PGM3: variants seen among roughly 807,000 people sequenced by gnomAD.
The protein encoded by PGM3 is phosphoglucomutase 3.
PGM3 carries 40 observed loss-of-function variants against 66.2 expected under a neutral mutation model. The observed-to-expected ratio is 0.60, with a 90% confidence interval of 0.47 to 0.79. The LOEUF is 0.79. Ranked by LOEUF, PGM3 falls within the 30% of genes least tolerant of loss-of-function variation. PGM3 has a pLI of 0.00. For synonymous variants in PGM3, 191 were observed against 224.2 expected, an observed-to-expected ratio of 0.85 and a Z score of 1.32; for missense variants, 537 against 643.4, an observed-to-expected ratio of 0.83 and a Z score of 1.79.
chr6:83,185,417 T>G (rs1461705843), intron 4 of PGM3, among the ~76,000 whole-genome samples: 2 of 152,222 alleles, frequency 1.3e-5, no homozygotes, highest in Non-Finnish European at 2.9e-5. Context: ...GAAACAGAAA[T>G]AGACTACTAG....
In PGM3 at chr6:83,182,851, G is replaced by A. The variant is rs756553587; in HGVS notation, c.585C>T (p.Thr195=). 1.9e-5 allele frequency: 31 copies of A among 1,613,354 alleles called. No homozygotes were observed. Among genetic ancestry groups the A allele is most frequent in the Non-Finnish European group, 2.6e-5 (31 of 1,179,656 alleles). The change falls in exon 5 of 13, where the codon ACC becomes ACT. Residue 195 remains threonine, a synonymous_variant. Transcript: ENST00000513973. ...QKLSKAFVEL[T]KQASCSGDEY... is the part of the protein sequence containing the mutation. ...TGTTCAATAAACTTTTCACCTGTTT[G>A]GTGAGTTCCACAAAAGCCTTAGAGA...
rs1351687112 is a variant in PGM3 at position 83,167,033 on chromosome 6, T to G, written c.*2201A>C. ...CTAGACAGAATGATGTCTGTAGCTG[T>G]GTTTGTGTAATTCAGGTGGCTTCTC... is the stretch of plus-strand genomic sequence containing the variant. On this transcript the variant is annotated 3_prime_UTR_variant, in exon 13 of 13. Coordinates refer to ENST00000513973, the MANE Select transcript of PGM3 (RefSeq NM_015599.3). 5.1e-6 allele frequency: 5 copies of G among 985,320 alleles called. No individual in the cohort carries two copies. Among genetic ancestry groups the G allele is most frequent in the African/African-American group, 3.5e-5 (2 of 57,254 alleles). 61.0% of individuals were successfully genotyped at this position (985,320 alleles called of 1,614,324 possible). A position where few individuals can be genotyped will look rare whatever the true frequency, so the allele number is the denominator to read the frequency against.
chr6:83,190,748 A>T, intron 2 of PGM3, 61 bp downstream of exon 2: 1 of 1,279,628 alleles, frequency 7.8e-7, no homozygotes, highest in Non-Finnish European at 1.1e-6. Context: ...CAATTTGCTC[A>T]GACACTAAGG....
chr6:83,154,333 A>G, the PGM3 span: 10 of 1,169,496 alleles, frequency 8.6e-6, no homozygotes, highest in South Asian at 1.1e-4. Flanking sequence ...CTAGGAGACT[A>G]CTGAATTAGC....
At chr6:83,186,497 C>T (rs1034294607) in intron 4 of PGM3, among the ~76,000 whole-genome samples, 2 of 152,162 alleles carry the variant, frequency 1.3e-5, no homozygotes, top group Admixed American at 1.3e-4. Context: ...ATGGTGGAGG[C>T]AGTGCCTTCA....
At chr6:83,156,525 T>G (rs1428423139), downstream of PGM3, among the ~76,000 whole-genome samples, 1 of 152,218 alleles carries the variant, frequency 6.6e-6, no homozygotes, top group Non-Finnish European at 1.5e-5. Context: ...GGGGATTATG[T>G]AACATTTTCG....
the PGM3 span, chr6:83,152,101 A>G: frequency 6.5e-7 from 1 of 1,535,990 alleles, no homozygotes; most frequent in Non-Finnish European, 8.9e-7. Flanking sequence ...TTTGCCTAGC[A>G]CTATAAGTAC....
At chr6:83,153,439 C>A in the PGM3 span, 1 of 936,380 alleles carries the variant, frequency 1.1e-6, no homozygotes, top group Non-Finnish European at 1.6e-6. Flanking sequence ...TTCTAACAAA[C>A]TGAAAATCAG....
At chr6:83,192,454 G>C (rs530600305) in intron 1 of PGM3, among the ~76,000 whole-genome samples, 1 of 152,278 alleles carries the variant, frequency 6.6e-6, no homozygotes, top group Admixed American at 6.5e-5. Context: ...CCAGCTGCTA[G>C]CCTCATAATT....
intron 8 of PGM3, 38 bp from the exon 9 acceptor site, chr6:83,176,098 C>G (rs1787741137): frequency 1.8e-6 from 2 of 1,133,362 alleles, no homozygotes; most frequent in Non-Finnish European, 2.7e-6. Context: ...AGCAATTACT[C>G]AGATGTCAAA....
rs1787210112 is a variant in PGM3 at position 83,171,818 on chromosome 6, CAT to C, written c.1365+117_1365+118del. The C allele has an allele frequency of 2.5e-6, 2 of 792,500 alleles. 1 individual carries two copies. Among genetic ancestry groups the C allele is most frequent in the South Asian group, 3.7e-5 (2 of 53,806 alleles). The allele number at this position is 792,500 out of a possible 1,614,324, so 49.1% of individuals were successfully genotyped here. A position where few individuals can be genotyped will look rare whatever the true frequency, so the allele number is the denominator to read the frequency against. On this transcript the variant is annotated intron_variant, in intron 11 of 12. Transcript: ENST00000513973. ...CCATAAGGCCTTATTTTCTATGTAT[CAT>C]ATGTGTATGTACAGAATGAAATAGG...
At chr6:83,179,309 C>CAAAA (rs940300357) in intron 7 of PGM3, among the ~76,000 whole-genome samples, 1 of 71,582 alleles carries the variant, frequency 1.4e-5, no homozygotes. Flanking sequence ...AACACTGTCT[C>CAAAA]AAAAAAAAAA....
intron 4 of PGM3, among the ~76,000 whole-genome samples, chr6:83,184,991 AAG>A (rs1385243460): frequency 6.6e-6 from 1 of 152,250 alleles, no homozygotes; most frequent in Non-Finnish European, 1.5e-5. Flanking sequence ...CACTAAGCTG[AAG>A]AGAGAAATGA....
intron 10 of PGM3, among the ~76,000 whole-genome samples, chr6:83,173,083 C>T (rs1055441182): frequency 1.2e-4 from 19 of 152,270 alleles, no homozygotes; most frequent in Admixed American, 1.2e-3. Flanking sequence ...GAGTGCCATA[C>T]CCAAGATGTC....
Position 83,166,651 on chromosome 6 carries a change from A to G in PGM3, c.*2583T>C, listed in dbSNP as rs565255370. The stretch of plus-strand genomic sequence containing the variant: ...CAATATAAAACGGCAAATTTCAACA[A>G]TGCAAAAACCGCAATTACGTTTGCA... On this transcript the variant is annotated 3_prime_UTR_variant, in exon 13 of 13. Coordinates refer to ENST00000513973, the MANE Select transcript of PGM3 (RefSeq NM_015599.3). The G allele has an allele frequency of 1.3e-5, 15 of 1,191,512 alleles. No homozygotes were observed. Among genetic ancestry groups the G allele is most frequent in the African/African-American group, 9.4e-5 (6 of 64,004 alleles). 73.8% of individuals were successfully genotyped at this position (1,191,512 alleles called of 1,614,324 possible).
the PGM3 span, chr6:83,153,628 C>A: frequency 6.4e-7 from 1 of 1,553,414 alleles, no homozygotes; most frequent in Non-Finnish European, 8.7e-7. Flanking sequence ...CAGGTACTAT[C>A]ATTATTTAAA....
chr6:83,185,244 G>A (rs1288933393), intron 4 of PGM3, among the ~76,000 whole-genome samples: 1 of 152,214 alleles, frequency 6.6e-6, no homozygotes, highest in East Asian at 1.9e-4. Flanking sequence ...AATTTACTTA[G>A]TGAGACACAA....
Position 83,168,327 on chromosome 6 carries a change from T to G in PGM3, c.*907A>C. On this transcript the variant is annotated 3_prime_UTR_variant, in exon 13 of 13. Transcript: ENST00000513973. ...GTATATAAGAGCAAATGTCTGAATG[T>G]GGCCTGAATCAAGTTTAAATATTGT... 10 of 1,419,650 alleles carry G rather than the reference T, an allele frequency of 7.0e-6. No homozygotes were observed. The highest frequency in any genetic ancestry group is 2.6e-4 in the Middle Eastern group (1 of 3,840). 87.9% of individuals were successfully genotyped at this position (1,419,650 alleles called of 1,614,324 possible).
At chr6:83,157,090 A>G, downstream of PGM3, 1 of 1,275,460 alleles carries the variant, frequency 7.8e-7, no homozygotes, top group Non-Finnish European at 1.1e-6. Context: ...ATCCTTTACT[A>G]CAGATAGTTT....
Sources: gnomAD v4.1 joint callset for allele counts (sites outside exome capture counted in the v4.1 genomes callset) on GRCh38, gnomAD v4.1.1 for gene constraint, MANE v1.5 for transcripts, NCBI Gene and HGNC (gene_info 2026-07-23, HGNC 2026-07-21) for gene names.